The following SLC25A13 variants were observed in gnomAD, a reference collection of about 807,000 sequenced individuals.
SLC25A13 encodes the protein solute carrier family 25 member 13.
Under a neutral mutation model 85.5 loss-of-function variants are expected in SLC25A13, and 70 were observed. The observed-to-expected ratio is 0.82, with a 90% CI of 0.68 to 1.00. The LOEUF (loss-of-function observed/expected upper bound fraction) is 1.00, where lower values mean the gene tolerates loss of function less well. Among genes scored for constraint, SLC25A13 ranks in the 50% least tolerant of loss-of-function variants. SLC25A13 has a pLI of 0.00. For missense variants in SLC25A13, 765 were observed against 819.8 expected (o/e 0.93, Z 0.82); for synonymous variants, 259 against 288.7 (o/e 0.90, Z 1.04).
chr7:96,168,970 A>G lies in SLC25A13; in HGVS notation c.1311+1075T>C, dbSNP rs1010623317. ...TTATTGTGTGCCCTTTATATTTAGG[A>G]CATTAAAGGCTCCTTTTTTTCCATC... On this transcript the variant is annotated intron_variant, in intron 13 of 17. Transcript: ENST00000265631. Among the ~76,000 whole-genome samples, 13 of 152,308 alleles carry G rather than the reference A, an allele frequency of 8.5e-5. No homozygotes were observed. The East Asian group carries it at 2.5e-3, about 29-fold the overall frequency.
At chr7:96,213,344 T>G (rs981354043) in intron 4 of SLC25A13, among the ~76,000 whole-genome samples, 2 of 152,262 alleles carry the variant, frequency 1.3e-5, no homozygotes, top group Non-Finnish European at 2.9e-5. Flanking sequence ...AACATTTGAT[T>G]GTTTAAGATT....
At chr7:96,171,157 T>C (rs1254041149) in intron 12 of SLC25A13, among the ~76,000 whole-genome samples, 1 of 152,204 alleles carries the variant, frequency 6.6e-6, no homozygotes, top group Non-Finnish European at 1.5e-5. Context: ...CATGCTTTGC[T>C]TGAGATTAAA....
intron 15 of SLC25A13, among the ~76,000 whole-genome samples, chr7:96,129,568 G>T (rs1037799746): frequency 6.6e-6 from 1 of 152,126 alleles, no homozygotes; most frequent in African/African-American, 2.4e-5. Context: ...TACATAAGAT[G>T]CAGCAATTAG....
intron 14 of SLC25A13, among the ~76,000 whole-genome samples, chr7:96,140,135 GT>G (rs1792467986): frequency 6.8e-6 from 1 of 146,564 alleles, no homozygotes; most frequent in Admixed American, 6.7e-5. Context: ...ATTTTTTGTA[GT>G]TTTAGTAGAG....
chr7:96,277,132 T>C (rs537251693), intron 3 of SLC25A13, 64 bp downstream of exon 3: 2 of 1,492,002 alleles, frequency 1.3e-6, no homozygotes, highest in Non-Finnish European at 9.0e-7. Flanking sequence ...TTCCTGGTCA[T>C]TAGAGCAAAA....
At chr7:96,195,463 G>A (rs745331757) in intron 5 of SLC25A13, among the ~76,000 whole-genome samples, 1 of 152,180 alleles carries the variant, frequency 6.6e-6, no homozygotes, top group Non-Finnish European at 1.5e-5. Flanking sequence ...CTGAGAGTCA[G>A]TGGTTCTGAC....
chr7:96,197,080 C>T (rs1795091179), intron 5 of SLC25A13, among the ~76,000 whole-genome samples: 1 of 152,154 alleles, frequency 6.6e-6, no homozygotes, highest in Non-Finnish European at 1.5e-5. Context: ...GAATTCAAGC[C>T]TCAGCATTTC....
chr7:96,317,464 A>G (rs1375453411), intron 1 of SLC25A13, among the ~76,000 whole-genome samples: 1 of 152,076 alleles, frequency 6.6e-6, no homozygotes, highest in African/African-American at 2.4e-5. Flanking sequence ...GTAAGCGCTC[A>G]GTAAGTGTCA....
At chr7:96,276,216 G>A (rs1798446314) in intron 3 of SLC25A13, among the ~76,000 whole-genome samples, 1 of 152,168 alleles carries the variant, frequency 6.6e-6, no homozygotes, top group Non-Finnish European at 1.5e-5. Context: ...TTATACTTTG[G>A]CTATTAGCAG....
At chr7:96,266,809 T>C (rs1331244505) in intron 3 of SLC25A13, among the ~76,000 whole-genome samples, 1 of 151,902 alleles carries the variant, frequency 6.6e-6, no homozygotes. Flanking sequence ...AGAAAGGGGG[T>C]TAATCAGACA....
At chr7:96,221,549 T>G (rs11772017) in intron 4 of SLC25A13, among the ~76,000 whole-genome samples, 80,926 of 152,032 alleles carry the variant, frequency 0.53, 23,156 homozygotes, top group Non-Finnish European at 0.63. Flanking sequence ...ATATTTCATT[T>G]TCGAAGTGTC....
At chr7:96,134,813 A>ATATATATATATATATATATG (rs1554337551) in intron 14 of SLC25A13, among the ~76,000 whole-genome samples, 1 of 143,010 alleles carries the variant, frequency 7.0e-6, no homozygotes, top group Admixed American at 7.0e-5. Flanking sequence ...ATATATATAT[A>ATATATATATATATATATATG]ACCCTGAGGA....
rs143792886 is a variant in SLC25A13 at position 96,316,050 on chromosome 7, C to T, written c.15+5892G>A. Among the ~76,000 whole-genome samples, 1,457 of 151,950 alleles carry T rather than the reference C, an allele frequency of 9.6e-3. 19 individuals carry two copies. Among genetic ancestry groups the T allele is most frequent in the African/African-American group, 0.033 (1,354 of 41,428 alleles). ...GCGGTGGGAGGATCTCTTGTATCCA[C>T]GAGGTCTAGGCTAGAGTGAGCAATA... On this transcript the variant is annotated intron_variant, in intron 1 of 17. Coordinates refer to ENST00000265631, the MANE Select transcript of SLC25A13 (RefSeq NM_014251.3).
chr7:96,306,154 G>A (rs942222344), intron 1 of SLC25A13, among the ~76,000 whole-genome samples: 1 of 152,164 alleles, frequency 6.6e-6, no homozygotes, highest in East Asian at 1.9e-4. Flanking sequence ...TTAGCAAGTG[G>A]CAGAGCCCTA....
At chr7:96,189,545 C>T in intron 8 of SLC25A13, 36 bp downstream of exon 8, 5 of 1,540,978 alleles carry the variant, frequency 3.2e-6, no homozygotes, top group Non-Finnish European at 4.4e-6. Context: ...TTTTATTAAG[C>T]TAATTCCAAA....
At chr7:96,215,251 T>A (rs1795847214) in intron 4 of SLC25A13, among the ~76,000 whole-genome samples, 1 of 152,214 alleles carries the variant, frequency 6.6e-6, no homozygotes. Flanking sequence ...GGCGCTTTGA[T>A]ACACCCAGCT....
chr7:96,128,939 G>GCTCTCTCTCGCTCTCTCT (rs1791871711), intron 15 of SLC25A13, among the ~76,000 whole-genome samples: 1 of 81,850 alleles, frequency 1.2e-5, no homozygotes, highest in Non-Finnish European at 2.5e-5. Context: ...TGCCTTGCTT[G>GCTCTCTCTCGCTCTCTCT]CTCTCTCTCT....
intron 11 of SLC25A13, among the ~76,000 whole-genome samples, chr7:96,180,683 G>A (rs528582005): frequency 6.6e-6 from 1 of 152,320 alleles, no homozygotes; most frequent in Admixed American, 6.5e-5. Flanking sequence ...ATTTTCCAGT[G>A]TCTAAGGCTG....
intron 15 of SLC25A13, among the ~76,000 whole-genome samples, chr7:96,122,521 A>G (rs1170581360): frequency 1.3e-5 from 2 of 152,056 alleles, no homozygotes; most frequent in Non-Finnish European, 1.5e-5. Context: ...GTTACACCAG[A>G]AAAAGACTTT....
Sources: gnomAD v4.1 joint callset for allele counts (sites outside exome capture counted in the v4.1 genomes callset) on GRCh38, gnomAD v4.1.1 for gene constraint, MANE v1.5 for transcripts, NCBI Gene and HGNC (gene_info 2026-07-23, HGNC 2026-07-21) for gene names.